The following FAM47E variants were observed in gnomAD, a reference collection of about 807,000 sequenced individuals.
FAM47E encodes the protein family with sequence similarity 47 member E, also known as protein FAM47E.
FAM47E carries 32 observed loss-of-function variants against 41.6 expected under a neutral mutation model. That is an observed-to-expected ratio of 0.77 (90% CI 0.58 to 1.03). The LOEUF (loss-of-function observed/expected upper bound fraction) is 1.03, where lower values mean the gene tolerates loss of function less well. Among genes scored for constraint, FAM47E ranks in the 50% least tolerant of loss-of-function variants. The pLI, the probability that FAM47E is intolerant of heterozygous loss-of-function variation, is 0.00. For missense variants in FAM47E, 424 were observed against 485.4 expected, an observed-to-expected ratio of 0.87 and a Z score of 1.19; for synonymous variants, 184 against 188.7, an observed-to-expected ratio of 0.98 and a Z score of 0.20.
intron 2 of FAM47E, among the ~76,000 whole-genome samples, chr4:76,239,231 C>A (rs748922953): frequency 5.3e-5 from 8 of 152,136 alleles, no homozygotes; most frequent in Non-Finnish European, 1.2e-4. Flanking sequence ...ATACTGCTAT[C>A]ACTTCTTTTG....
chr4:76,276,029 GACAGACAGACACACAC>G (rs200163518), intron 5 of FAM47E, among the ~76,000 whole-genome samples: 27,606 of 118,188 alleles, frequency 0.23, 2,742 homozygotes, highest in African/African-American at 0.33. Context: ...CAGACAGACA[GACAGACAGACACACAC>G]ACACACACAC....
At chr4:76,219,131 A>G (rs541835469) in intron 2 of FAM47E, among the ~76,000 whole-genome samples, 1 of 152,294 alleles carries the variant, frequency 6.6e-6, no homozygotes, top group East Asian at 1.9e-4. Flanking sequence ...TAAGAGTAAA[A>G]GGAAAGCAGT....
intron 5 of FAM47E, among the ~76,000 whole-genome samples, chr4:76,276,027 CAG>C (rs1735083042): frequency 8.8e-5 from 8 of 90,498 alleles, no homozygotes; most frequent in South Asian, 3.6e-4. Context: ...GACAGACAGA[CAG>C]ACAGACAGAC....
intron 2 of FAM47E, among the ~76,000 whole-genome samples, chr4:76,224,137 A>C (rs1177005221): frequency 6.6e-6 from 1 of 152,256 alleles, no homozygotes; most frequent in Non-Finnish European, 1.5e-5. Flanking sequence ...CAAAGTCAGA[A>C]AGAAATCTTA....
intron 2 of FAM47E, among the ~76,000 whole-genome samples, chr4:76,224,011 C>A (rs1040703424): frequency 1.3e-5 from 2 of 152,092 alleles, no homozygotes; most frequent in Non-Finnish European, 2.9e-5. Flanking sequence ...AAATCTCCTG[C>A]CAAACCAGGA....
intron 2 of FAM47E, among the ~76,000 whole-genome samples, chr4:76,240,406 C>CT (rs1466832327): frequency 2.0e-5 from 3 of 152,034 alleles, no homozygotes; most frequent in African/African-American, 4.8e-5. Flanking sequence ...GTTCATTGAG[C>CT]TTTTTGGATA....
chr4:76,265,829 C>T lies in FAM47E; in HGVS notation c.560+1986C>T, dbSNP rs1350642853. On this transcript the variant is annotated intron_variant, in intron 3 of 7. Coordinates refer to ENST00000424749, the MANE Select transcript of FAM47E (RefSeq NM_001136570.3). ...TGAACACATATATCTGATGAACCTC[C>T]GGGTTGATGGACACATCCAGGTGCT... Among the ~76,000 whole-genome samples, 5 of 152,196 alleles carry T rather than the reference C, an allele frequency of 3.3e-5. No homozygotes were observed. In the East Asian group the frequency reaches 5.8e-4, roughly 18 times the overall value.
chr4:76,272,769 C>T (rs895604803), intron 5 of FAM47E, among the ~76,000 whole-genome samples: 1 of 152,130 alleles, frequency 6.6e-6, no homozygotes, highest in African/African-American at 2.4e-5. Flanking sequence ...GCTCAATTCC[C>T]TGTATTTAGA....
upstream of FAM47E, among the ~76,000 whole-genome samples, chr4:76,248,918 C>A (rs1733891093): frequency 6.6e-6 from 1 of 152,022 alleles, no homozygotes; most frequent in East Asian, 1.9e-4. Context: ...GACTTTTTGC[C>A]AGGTAAGCTG....
intron 7 of FAM47E, chr4:76,281,985 C>T (rs1364555008): frequency 6.6e-6 from 1 of 152,026 alleles, no homozygotes; most frequent in East Asian, 1.9e-4. Context: ...GATTTAGGGT[C>T]ATTTGATTGT....
chr4:76,257,001 C>T (rs1035586559), intron 2 of FAM47E, among the ~76,000 whole-genome samples: 2 of 152,258 alleles, frequency 1.3e-5, no homozygotes, highest in South Asian at 4.2e-4. Flanking sequence ...CAGACTAGGG[C>T]TGGACAGCAG....
chr4:76,235,134 G>C (rs1370242703), intron 2 of FAM47E, among the ~76,000 whole-genome samples: 1 of 152,048 alleles, frequency 6.6e-6, no homozygotes. Flanking sequence ...TGGCTAACAC[G>C]GTGAAAACCC....
intron 3 of FAM47E, among the ~76,000 whole-genome samples, chr4:76,266,089 T>C (rs1734621321): frequency 1.3e-5 from 2 of 152,238 alleles, no homozygotes; most frequent in South Asian, 4.1e-4. Flanking sequence ...ATAGTAGCAA[T>C]TGACGTAATT....
intron 2 of FAM47E, among the ~76,000 whole-genome samples, chr4:76,224,732 T>G (rs1733365497): frequency 6.6e-6 from 1 of 152,048 alleles, no homozygotes; most frequent in Non-Finnish European, 1.5e-5. Flanking sequence ...CCAGCTAATT[T>G]TTGTTATTTT....
chr4:76,227,548 C>A (rs768251356), intron 2 of FAM47E, among the ~76,000 whole-genome samples: 3 of 152,000 alleles, frequency 2.0e-5, no homozygotes, highest in African/African-American at 4.8e-5. Context: ...AAATATCTAT[C>A]TGGGGTATAG....
At chr4:76,270,918 T>C (rs1734859086) in intron 4 of FAM47E, among the ~76,000 whole-genome samples, 1 of 152,210 alleles carries the variant, frequency 6.6e-6, no homozygotes, top group Admixed American at 6.5e-5. Context: ...TGTCCCTGAT[T>C]CTGTTTCATG....
chr4:76,281,890 C>T (rs1969149), intron 7 of FAM47E: 54,449 of 152,036 alleles, frequency 0.36, 10,565 homozygotes, highest in Admixed American at 0.42. Context: ...GTGTCACCGC[C>T]TTCTGGTCCC....
intron 1 of FAM47E, among the ~76,000 whole-genome samples, chr4:76,252,321 T>A (rs1350243211): frequency 6.6e-6 from 1 of 152,144 alleles, no homozygotes; most frequent in Non-Finnish European, 1.5e-5. Flanking sequence ...TAACATTTTG[T>A]ACGGTTGTGG....
chr4:76,268,690 C>G lies in FAM47E; in HGVS notation c.591C>G (p.Gly197=). 6.4e-7 allele frequency: 1 copy of G among 1,551,400 alleles called. No homozygotes were observed. Among genetic ancestry groups the G allele is most frequent in the South Asian group, 1.2e-5 (1 of 84,000 alleles). ...AGAAGACGTCTGTGTCAAACGCAGG[C>G]CAATGGCTTTATGAAGAAAAGCCAC... ...PSKKTSVSNA[G]QWLYEEKPHK... The change falls in exon 4 of 8, where the codon GGC becomes GGG. Residue 197 remains glycine (G), a synonymous_variant. Coordinates refer to ENST00000424749, the MANE Select transcript of FAM47E (RefSeq NM_001136570.3).
Sources: gnomAD v4.1 joint callset for allele counts (sites outside exome capture counted in the v4.1 genomes callset) on GRCh38, gnomAD v4.1.1 for gene constraint, MANE v1.5 for transcripts, NCBI Gene and HGNC (gene_info 2026-07-23, HGNC 2026-07-21) for gene names.